Variants in GRID1 observed in about 807,000 individuals in gnomAD.
GRID1 encodes glutamate ionotropic receptor delta type subunit 1, also known as glutamate receptor ionotropic, delta-1.
In GRID1, 28 loss-of-function variants were observed where a neutral mutation model predicts 98.0. That is an observed-to-expected ratio of 0.29 (90% CI 0.21 to 0.39). The LOEUF (loss-of-function observed/expected upper bound fraction) is 0.39, where lower values mean the gene tolerates loss of function less well. Ranked by LOEUF, GRID1 falls within the 10% of genes least tolerant of loss-of-function variation. The pLI, the probability that GRID1 is intolerant of heterozygous loss-of-function variation, is 1.00. For synonymous variants in GRID1, 553 were observed against 538.5 expected, an observed-to-expected ratio of 1.03 and a Z score of -0.37; for missense variants, 1,111 against 1,340.5, an observed-to-expected ratio of 0.83 and a Z score of 2.67.
chr10:85,652,560 T>A (rs746992), intron 12 of GRID1, among the ~76,000 whole-genome samples: 12,609 of 152,192 alleles, frequency 0.083, 618 homozygotes, highest in Admixed American at 0.13. Flanking sequence ...GAAACTTTCA[T>A]AGCTACAGCC....
chr10:86,202,208 C>G (rs919196819), intron 3 of GRID1, among the ~76,000 whole-genome samples: 1 of 152,250 alleles, frequency 6.6e-6, no homozygotes, highest in Admixed American at 6.5e-5. Flanking sequence ...GGCCTAACTT[C>G]CAATGCCAGC....
At chr10:86,259,257 C>T (rs990494335) in intron 2 of GRID1, among the ~76,000 whole-genome samples, 13 of 152,232 alleles carry the variant, frequency 8.5e-5, no homozygotes, top group Admixed American at 8.5e-4. Context: ...TCAGCCCTAA[C>T]AGTTTAACCC....
intron 2 of GRID1, among the ~76,000 whole-genome samples, chr10:86,318,614 C>T (rs1461949228): frequency 6.6e-6 from 1 of 152,214 alleles, no homozygotes; most frequent in Non-Finnish European, 1.5e-5. Flanking sequence ...CTGTCCGTTC[C>T]CTGGAGCCAG....
intron 2 of GRID1, among the ~76,000 whole-genome samples, chr10:86,350,497 G>A (rs528840027): frequency 6.6e-6 from 1 of 152,286 alleles, no homozygotes; most frequent in South Asian, 2.1e-4. Context: ...CACATACAAG[G>A]AGAGCACCGG....
At chr10:85,844,225 T>C (rs942941450) in intron 8 of GRID1, among the ~76,000 whole-genome samples, 1 of 151,870 alleles carries the variant, frequency 6.6e-6, no homozygotes, top group Non-Finnish European at 1.5e-5. Context: ...ATGACAAAAT[T>C]TTAGAAATGT....
intron 12 of GRID1, among the ~76,000 whole-genome samples, chr10:85,661,802 A>C (rs143028490): frequency 6.5e-4 from 99 of 152,366 alleles, no homozygotes; most frequent in African/African-American, 2.1e-3. Context: ...AGCAAAGCCA[A>C]TGTCTTCCTC....
At chr10:86,044,161 T>A (rs1050859406) in intron 4 of GRID1, among the ~76,000 whole-genome samples, 1 of 152,170 alleles carries the variant, frequency 6.6e-6, no homozygotes, top group African/African-American at 2.4e-5. Context: ...TTAAACTCCA[T>A]CCCCAGAGTC....
chr10:85,629,515 AAG>A (rs1382108541), intron 13 of GRID1, among the ~76,000 whole-genome samples: 1 of 152,162 alleles, frequency 6.6e-6, no homozygotes. Context: ...TATTTCACTT[AAG>A]AGAGTGACCT....
At chr10:86,324,491 T>C (rs1848015853) in intron 2 of GRID1, among the ~76,000 whole-genome samples, 1 of 152,194 alleles carries the variant, frequency 6.6e-6, no homozygotes, top group Non-Finnish European at 1.5e-5. Context: ...TGTAGCTTAG[T>C]GTCCAGGGTG....
At chr10:85,973,114 G>A (rs577272636) in intron 4 of GRID1, among the ~76,000 whole-genome samples, 4 of 152,212 alleles carry the variant, frequency 2.6e-5, no homozygotes, top group African/African-American at 9.6e-5. Context: ...GATGTCACTT[G>A]TTCATTCATA....
At chr10:86,157,219 A>C (rs1450439731) in intron 3 of GRID1, among the ~76,000 whole-genome samples, 2 of 152,146 alleles carry the variant, frequency 1.3e-5, no homozygotes, top group African/African-American at 4.8e-5. Context: ...ATGCTTGAAA[A>C]CTTGAGTCCA....
At chr10:86,072,647 C>T (rs1589361361) in intron 4 of GRID1, among the ~76,000 whole-genome samples, 4 of 152,330 alleles carry the variant, frequency 2.6e-5, no homozygotes, top group African/African-American at 7.2e-5. Flanking sequence ...CAAGGGAGCT[C>T]GGTCTGATTA....
At chr10:85,890,664 G>A (rs1194145675) in intron 5 of GRID1, among the ~76,000 whole-genome samples, 1 of 152,112 alleles carries the variant, frequency 6.6e-6, no homozygotes, top group Non-Finnish European at 1.5e-5. Context: ...TCCACGGTGA[G>A]GTAAATGTCT....
intron 14 of GRID1, among the ~76,000 whole-genome samples, chr10:85,618,235 G>T (rs916113389): frequency 6.6e-6 from 1 of 152,066 alleles, no homozygotes; most frequent in Non-Finnish European, 1.5e-5. Flanking sequence ...ACCTTTCCTC[G>T]CTGGGGCCCC....
intron 12 of GRID1, among the ~76,000 whole-genome samples, chr10:85,681,011 A>C (rs1841202693): frequency 6.6e-6 from 1 of 152,200 alleles, no homozygotes; most frequent in Non-Finnish European, 1.5e-5. Flanking sequence ...AGGGAGGAGA[A>C]ATTACCTTAT....
intron 12 of GRID1, among the ~76,000 whole-genome samples, chr10:85,718,410 T>C (rs1033091614): frequency 1.3e-5 from 2 of 152,184 alleles, no homozygotes; most frequent in Non-Finnish European, 2.9e-5. Context: ...CACATTTCCC[T>C]TCCACACTGC....
chr10:85,674,886 C>T lies in GRID1; in HGVS notation c.1998-27489G>A, dbSNP rs1841127196. 1.3e-5 allele frequency among the ~76,000 whole-genome samples: 2 copies of T among 152,160 alleles called. 1 individual carries two copies. Among genetic ancestry groups the T allele is most frequent in the South Asian group, 4.1e-4 (2 of 4,832 alleles). On this transcript the variant is annotated intron_variant, in intron 12 of 15. Coordinates refer to ENST00000327946, the MANE Select transcript of GRID1 (RefSeq NM_017551.3). ...CAGGAGGAGACATATGTAGGACAAA[C>T]TCTGGGCATGAAGCTCAGAAATTTA...
At chr10:85,888,591 C>A (rs1245321970) in intron 5 of GRID1, among the ~76,000 whole-genome samples, 1 of 152,194 alleles carries the variant, frequency 6.6e-6, no homozygotes. Flanking sequence ...TAGGGACCTA[C>A]ACTGAGGACA....
At chr10:86,013,688 T>A (rs765363522) in intron 4 of GRID1, among the ~76,000 whole-genome samples, 17 of 152,162 alleles carry the variant, frequency 1.1e-4, no homozygotes, top group Non-Finnish European at 4.4e-5. Flanking sequence ...AGCTACACAG[T>A]CCATAAGAAT....
Sources: gnomAD v4.1 joint callset for allele counts (sites outside exome capture counted in the v4.1 genomes callset) on GRCh38, gnomAD v4.1.1 for gene constraint, MANE v1.5 for transcripts, NCBI Gene and HGNC (gene_info 2026-07-23, HGNC 2026-07-21) for gene names.